Variants in SPHKAP observed in about 807,000 individuals in gnomAD.
SPHKAP encodes A-kinase anchor protein SPHKAP.
SPHKAP carries 67 observed loss-of-function variants against 137.5 expected under a neutral mutation model. The observed-to-expected ratio is 0.49, with a 90% CI of 0.40 to 0.60. SPHKAP has a LOEUF of 0.60. Ranked by LOEUF, SPHKAP falls within the 20% of genes least tolerant of loss-of-function variation. SPHKAP has a pLI of 0.00. For synonymous variants in SPHKAP, 813 were observed against 785.3 expected (o/e 1.04, Z -0.59); for missense variants, 2,097 against 2,069.3 (o/e 1.01, Z -0.26).
chr2:228,096,316 T>G (rs191134987), intron 3 of SPHKAP, among the ~76,000 whole-genome samples: 7 of 152,158 alleles, frequency 4.6e-5, no homozygotes, highest in Non-Finnish European at 8.8e-5. Context: ...TTTGGATCAC[T>G]CTTTTGGTTG....
At chr2:228,158,095 C>T (rs1406056563) in intron 1 of SPHKAP, among the ~76,000 whole-genome samples, 9 of 152,102 alleles carry the variant, frequency 5.9e-5, no homozygotes, top group African/African-American at 2.2e-4. Context: ...AGATTCATTT[C>T]TTCCATGACT....
At chr2:228,062,605 G>GAA (rs57078919) in intron 3 of SPHKAP, among the ~76,000 whole-genome samples, 21 of 146,588 alleles carry the variant, frequency 1.4e-4, no homozygotes, top group South Asian at 4.3e-4. Context: ...ATTAAAAATG[G>GAA]AAAAAAAAAA....
At chr2:228,137,617 T>G (rs1699475878) in intron 1 of SPHKAP, among the ~76,000 whole-genome samples, 1 of 152,180 alleles carries the variant, frequency 6.6e-6, no homozygotes, top group Non-Finnish European at 1.5e-5. Context: ...CATTTGATTG[T>G]CTCAACCCTA....
In SPHKAP at chr2:228,025,438, C is replaced by G. The variant is rs1425293843; in HGVS notation, c.397G>C (p.Gly133Arg). The G allele has an allele frequency of 1.2e-6, 2 of 1,613,910 alleles. No individual in the cohort carries two copies. Among genetic ancestry groups the G allele is most frequent in the East Asian group, 4.5e-5 (2 of 44,810 alleles). ...PKENEIVVLSGLASGNLQADF... is the reference protein window; with the variant it reads ...PKENEIVVLSRLASGNLQADF... Reference sequence around the variant, plus strand: ...GCCTGGAGATTTCCAGAGGCTAACCCACTTAGGACAACAATTTCATTTTCT... The same window carrying G: ...GCCTGGAGATTTCCAGAGGCTAACCGACTTAGGACAACAATTTCATTTTCT... Residue 133 changes from glycine to arginine, a missense_variant, in exon 5 of 12, where the codon GGG becomes CGG. Physicochemically the swap from Gly to Arg is moderately radical, Grantham distance 125. Transcript: ENST00000392056.
chr2:228,087,193 G>A (rs1187210665), intron 3 of SPHKAP, among the ~76,000 whole-genome samples: 1 of 152,106 alleles, frequency 6.6e-6, no homozygotes. Context: ...GTCCTCTGAG[G>A]AATGATACCA....
At chr2:228,062,009 G>A (rs1696655533) in intron 3 of SPHKAP, among the ~76,000 whole-genome samples, 1 of 151,916 alleles carries the variant, frequency 6.6e-6, no homozygotes, top group Admixed American at 6.6e-5. Context: ...GTGTGGAATA[G>A]GTTATGCTTT....
At chr2:228,161,256 C>G (rs544925355) in intron 1 of SPHKAP, among the ~76,000 whole-genome samples, 1 of 152,216 alleles carries the variant, frequency 6.6e-6, no homozygotes, top group African/African-American at 2.4e-5. Context: ...ACTGCGTAGA[C>G]AGTGAGAGAA....
chr2:227,996,876 A>G (rs1427108732), intron 7 of SPHKAP, among the ~76,000 whole-genome samples: 1 of 152,186 alleles, frequency 6.6e-6, no homozygotes, highest in Admixed American at 6.5e-5. Context: ...ACACCAACAT[A>G]CTTTAATTTG....
At position 228,044,076 on chromosome 2, in the gene SPHKAP, A is replaced by G. The variant is rs144390259; in HGVS notation, c.247-16533T>C. On this transcript the variant is annotated intron_variant, in intron 3 of 11. Transcript: ENST00000392056. ...AGTTTATCTAAACCAAACATCTAACATTCATCTCTCATATGTTTGACAACC... is the reference window on the plus strand; with the variant it reads ...AGTTTATCTAAACCAAACATCTAACGTTCATCTCTCATATGTTTGACAACC... Among the ~76,000 whole-genome samples, 116 of 152,320 alleles carry G rather than the reference A, an allele frequency of 7.6e-4. 1 individual carries two copies. The highest frequency in any genetic ancestry group is 3.4e-3 in the Middle Eastern group (1 of 294).
At chr2:228,072,541 A>C (rs1469571713) in intron 3 of SPHKAP, among the ~76,000 whole-genome samples, 1 of 152,146 alleles carries the variant, frequency 6.6e-6, no homozygotes, top group Non-Finnish European at 1.5e-5. Flanking sequence ...ACACGTGTCT[A>C]TCAGGAGGTG....
intron 1 of SPHKAP, among the ~76,000 whole-genome samples, chr2:228,141,653 C>T (rs1699610529): frequency 6.6e-6 from 1 of 151,784 alleles, no homozygotes; most frequent in Admixed American, 6.6e-5. Context: ...TTTTTTAAAT[C>T]CAAGAGAACA....
rs114531110 is a variant in SPHKAP at position 228,117,903 on chromosome 2, C to T, written c.139-8964G>A. Among the ~76,000 whole-genome samples the T allele has an allele frequency of 7.8e-3, 1,173 of 150,298 alleles. 13 individuals are homozygous for T. The highest frequency in any genetic ancestry group is 0.027 in the African/African-American group (1,094 of 40,904). ...TTTATTGGTTCATTGAAAAGAGGAC[C>T]TGAATAAGTGAAAAATAGTGACAAA... On this transcript the variant is annotated intron_variant, in intron 2 of 11. Transcript: ENST00000392056.
chr2:228,141,441 A>G lies in SPHKAP; in HGVS notation c.33-9356T>C, dbSNP rs1034659951. On this transcript the variant is annotated intron_variant, in intron 1 of 11. Transcript: ENST00000392056. ...AGCCCTGTAAATCTATTTACTCTTA[A>G]GAGTCTCCTTGATAGGTTTTCAGCA... Among the ~76,000 whole-genome samples the G allele has an allele frequency of 3.9e-5, 6 of 152,208 alleles. No individual in the cohort carries two copies. In the South Asian group the frequency reaches 8.3e-4, roughly 21 times the overall value.
At chr2:228,146,579 A>T (rs993037659) in intron 1 of SPHKAP, among the ~76,000 whole-genome samples, 1 of 152,058 alleles carries the variant, frequency 6.6e-6, no homozygotes, top group Non-Finnish European at 1.5e-5. Flanking sequence ...TCCACCCTCA[A>T]ATTAACACCA....
At chr2:228,029,174 G>A (rs993982216) in intron 3 of SPHKAP, among the ~76,000 whole-genome samples, 2 of 152,204 alleles carry the variant, frequency 1.3e-5, no homozygotes, top group African/African-American at 4.8e-5. Flanking sequence ...TACTTTGCTA[G>A]CAATCATCCA....
intron 3 of SPHKAP, among the ~76,000 whole-genome samples, chr2:228,091,435 A>C (rs1697726407): frequency 6.6e-6 from 1 of 152,240 alleles, no homozygotes; most frequent in South Asian, 2.1e-4. Flanking sequence ...GTTAAACTAA[A>C]GTACTTCTGC....
chr2:227,984,233 G>A (rs1301111295), intron 11 of SPHKAP, among the ~76,000 whole-genome samples: 1 of 149,542 alleles, frequency 6.7e-6, no homozygotes, highest in Non-Finnish European at 1.5e-5. Context: ...CTAGGAGGCG[G>A]AAGTTGCAGT....
At chr2:228,157,048 T>A (rs2106407595) in intron 1 of SPHKAP, among the ~76,000 whole-genome samples, 1 of 152,068 alleles carries the variant, frequency 6.6e-6, no homozygotes, top group South Asian at 2.1e-4. Context: ...CAGACAAACA[T>A]CCCTACCTTC....
At chr2:228,131,270 A>T in intron 2 of SPHKAP, 8 of 984,070 alleles carry the variant, frequency 8.1e-6, no homozygotes, top group Non-Finnish European at 9.7e-6. Context: ...GAAATAACTC[A>T]CTGTGATTGC....
Sources: gnomAD v4.1 joint callset for allele counts (sites outside exome capture counted in the v4.1 genomes callset) on GRCh38, gnomAD v4.1.1 for gene constraint, MANE v1.5 for transcripts, NCBI Gene and HGNC (gene_info 2026-07-23, HGNC 2026-07-21) for gene names.